Variants in CREBRF observed in about 807,000 individuals in gnomAD.
The protein encoded by CREBRF is UPF0474 protein C5orf41.
CREBRF carries 5 observed loss-of-function variants against 66.1 expected under a neutral mutation model. The observed-to-expected ratio is 0.08, with a 90% CI of 0.04 to 0.16. The LOEUF (loss-of-function observed/expected upper bound fraction) is 0.16, where lower values mean the gene tolerates loss of function less well. Ranked by LOEUF, CREBRF falls within the 10% of genes least tolerant of loss-of-function variation. The pLI is 1.00. For missense variants in CREBRF, 531 were observed against 744.9 expected, an observed-to-expected ratio of 0.71 and a Z score of 3.34; for synonymous variants, 229 against 264.4, an observed-to-expected ratio of 0.87 and a Z score of 1.30.
In CREBRF at chr5:173,107,956, C is replaced by T. The variant is rs542967376; in HGVS notation, c.1223-668C>T. On this transcript the variant is annotated intron_variant, in intron 4 of 8. Transcript: ENST00000296953. ...AAGTGATTCTCATGTCTGTGCCTCCCGAGTAGCTGGGATTGCAGGCGTGCA... is the reference window on the plus strand; with the variant it reads ...AAGTGATTCTCATGTCTGTGCCTCCTGAGTAGCTGGGATTGCAGGCGTGCA... 3.3e-5 allele frequency among the ~76,000 whole-genome samples: 5 copies of T among 151,672 alleles called. No homozygotes were observed. The East Asian group carries it at 5.8e-4, about 18-fold the overall frequency.
rs112995190 is a variant in CREBRF, at chr5:173,104,711, CAGAGAGAGAGAG to C, written c.1223-3894_1223-3883del. Among the ~76,000 whole-genome samples the C allele has an allele frequency of 6.1e-3, 891 of 146,590 alleles. 13 individuals are homozygous for C. The highest frequency in any genetic ancestry group is 0.021 in the African/African-American group (829 of 39,460). On this transcript the variant is annotated intron_variant, in intron 4 of 8. Transcript: ENST00000296953. Reference sequence around the variant, plus strand: ...GGTGGATGGCTTTAGGCAACAAATTCAGAGAGAGAGAGAGAGAGAGAGAGAGAGAGTGTGTGT... The same window carrying C: ...GGTGGATGGCTTTAGGCAACAAATTCAGAGAGAGAGAGAGAGAGTGTGTGT...
chr5:173,124,267 G>C (rs187849938), intron 8 of CREBRF: 8 of 152,168 alleles, frequency 5.3e-5, no homozygotes, highest in Admixed American at 5.2e-4. Context: ...CTATAGAAAA[G>C]CTAATACTGG....
chr5:173,068,730 T>G (rs1312104793), intron 1 of CREBRF, among the ~76,000 whole-genome samples: 2 of 152,076 alleles, frequency 1.3e-5, no homozygotes, highest in African/African-American at 4.8e-5. Flanking sequence ...TATCCCATAT[T>G]CACCCTGGTT....
chr5:173,130,966 C>A (rs1343141073), intron 8 of CREBRF, among the ~76,000 whole-genome samples: 1 of 152,184 alleles, frequency 6.6e-6, no homozygotes, highest in Admixed American at 6.5e-5. Context: ...CTTGGCCACC[C>A]AAAGTGCTGG....
intron 7 of CREBRF, among the ~76,000 whole-genome samples, chr5:173,116,143 A>C (rs116681762): frequency 6.6e-6 from 1 of 152,198 alleles, no homozygotes; most frequent in Non-Finnish European, 1.5e-5. Flanking sequence ...AAAAACCTCA[A>C]ATCACCAAGG....
chr5:173,084,764 C>T (rs1431808934), intron 2 of CREBRF, among the ~76,000 whole-genome samples: 1 of 152,060 alleles, frequency 6.6e-6, no homozygotes, highest in East Asian at 1.9e-4. Flanking sequence ...GCCTCAGTCT[C>T]CGGAGTAGCT....
chr5:173,135,276 A>G lies in CREBRF; in HGVS notation c.*1531A>G, dbSNP rs369315360. On this transcript the variant is annotated 3_prime_UTR_variant, in exon 9 of 9. Coordinates refer to ENST00000296953, the MANE Select transcript of CREBRF (RefSeq NM_153607.3). The stretch of plus-strand genomic sequence containing the variant: ...AACTTAACATGTGACTTATTCTTCT[A>G]TAGTTTCTAGAATTGAGAAACATTA... 1 of 152,518 alleles carries G rather than the reference A, an allele frequency of 6.6e-6. No homozygotes were observed. The highest frequency in any genetic ancestry group is 1.5e-5 in the Non-Finnish European group (1 of 67,950). 9.4% of individuals were successfully genotyped at this position (152,518 alleles called of 1,614,324 possible).
chr5:173,067,625 A>G (rs960094033), intron 1 of CREBRF, among the ~76,000 whole-genome samples: 17 of 152,196 alleles, frequency 1.1e-4, no homozygotes, highest in Non-Finnish European at 8.8e-5. Flanking sequence ...CACTAATGCA[A>G]CTGATTTGCA....
At chr5:173,112,783 A>G (rs1343956600) in intron 7 of CREBRF, among the ~76,000 whole-genome samples, 1 of 152,142 alleles carries the variant, frequency 6.6e-6, no homozygotes, top group Non-Finnish European at 1.5e-5. Context: ...AGTTTTGTTG[A>G]CTGATTTTAA....
intron 7 of CREBRF, among the ~76,000 whole-genome samples, chr5:173,117,962 C>T (rs944108633): frequency 2.6e-5 from 4 of 151,874 alleles, no homozygotes; most frequent in Non-Finnish European, 5.9e-5. Context: ...CAAGCTCCAT[C>T]TCCTGGGTTC....
intron 1 of CREBRF, among the ~76,000 whole-genome samples, chr5:173,064,825 A>C (rs959475961): frequency 6.6e-6 from 1 of 152,016 alleles, no homozygotes; most frequent in African/African-American, 2.4e-5. Flanking sequence ...TGGCCTCCCA[A>C]AGTGCTGGGA....
intron 1 of CREBRF, among the ~76,000 whole-genome samples, chr5:173,071,852 CG>C (rs1269463896): frequency 7.9e-5 from 12 of 151,506 alleles, no homozygotes; most frequent in African/African-American, 2.9e-4. Context: ...CCCAGGAGTT[CG>C]AGACCAGCCT....
In CREBRF at chr5:173,080,869, C is replaced by T. The variant is rs1426308674; in HGVS notation, c.9+85C>T. On this transcript the variant is annotated intron_variant, in intron 2 of 8. Transcript: ENST00000296953. ...TTTGACTCTTAAATGAATCTTAACA[C>T]AACTTTGCATACTACCTTTTTGTGA... 5 of 1,315,786 alleles carry T rather than the reference C, an allele frequency of 3.8e-6. No individual in the cohort carries two copies. The African/African-American group carries it at 5.9e-5, about 15-fold the overall frequency. The allele number at this position is 1,315,786 out of a possible 1,614,324, so 81.5% of individuals were successfully genotyped here. A position where few individuals can be genotyped will look rare whatever the true frequency, so the allele number is the denominator to read the frequency against.
At chr5:173,088,013 T>TG (rs1379854189) in intron 3 of CREBRF, among the ~76,000 whole-genome samples, 7 of 151,332 alleles carry the variant, frequency 4.6e-5, no homozygotes, top group African/African-American at 1.7e-4. Flanking sequence ...TTAGTAGAGA[T>TG]GGGGTTTCAC....
intron 4 of CREBRF, among the ~76,000 whole-genome samples, chr5:173,097,914 A>G (rs1399759512): frequency 6.6e-6 from 1 of 151,180 alleles, no homozygotes; most frequent in East Asian, 1.9e-4. Flanking sequence ...CCTTCTGCTA[A>G]CTTTGGGTTA....
At chr5:173,128,031 A>C (rs1284791734) in intron 8 of CREBRF, among the ~76,000 whole-genome samples, 3 of 152,012 alleles carry the variant, frequency 2.0e-5, no homozygotes, top group African/African-American at 7.2e-5. Flanking sequence ...TTAACTTACC[A>C]ATTCTAATTT....
intron 4 of CREBRF, among the ~76,000 whole-genome samples, chr5:173,104,736 A>AGAGAGAGAGT (rs1554125517): frequency 6.6e-6 from 1 of 150,750 alleles, no homozygotes; most frequent in African/African-American, 2.5e-5. Flanking sequence ...AGAGAGAGAG[A>AGAGAGAGAGT]GAGAGTGTGT....
chr5:173,107,248 A>G (rs1758770312), intron 4 of CREBRF, among the ~76,000 whole-genome samples: 1 of 152,206 alleles, frequency 6.6e-6, no homozygotes, highest in African/African-American at 2.4e-5. Flanking sequence ...TTACCTTTTT[A>G]CTTATGGCCA....
chr5:173,085,439 G>C, intron 2 of CREBRF: 1 of 762,516 alleles, frequency 1.3e-6, no homozygotes, highest in East Asian at 2.7e-5. Flanking sequence ...TTTTGGAGAC[G>C]GAGTTTCGCT....
Sources: allele counts gnomAD v4.1 joint callset (sites outside exome capture counted in the v4.1 genomes callset), GRCh38; gene constraint gnomAD v4.1.1; transcripts MANE v1.5; gene names NCBI Gene and HGNC (gene_info 2026-07-23, HGNC 2026-07-21).